The following SDK1 variants were observed in gnomAD, a reference collection of about 807,000 sequenced individuals.
The protein encoded by SDK1 is sidekick cell adhesion molecule 1.
SDK1 carries 157 observed loss-of-function variants against 245.5 expected under a neutral mutation model. The observed-to-expected ratio is 0.64, with a 90% confidence interval of 0.56 to 0.73. SDK1 has a LOEUF of 0.73. Ranked by LOEUF, SDK1 falls within the 30% of genes least tolerant of loss-of-function variation. SDK1 has a pLI of 0.00. For synonymous variants in SDK1, 1,647 were observed against 1,278.5 expected (o/e 1.29, Z -6.15); for missense variants, 3,583 against 3,002.3 (o/e 1.19, Z -4.52).
chr7:3,954,684 A>C (rs895888775), intron 7 of SDK1, among the ~76,000 whole-genome samples: 1 of 140,906 alleles, frequency 7.1e-6, no homozygotes, highest in African/African-American at 2.7e-5. Context: ...CACCCTCTAC[A>C]CTGCACCATT....
In SDK1 at chr7:4,245,732, A is replaced by G. The variant is rs143171868; in HGVS notation, c.6308A>G (p.Asn2103Ser). The G allele has an allele frequency of 5.3e-4, 862 of 1,613,936 alleles. 1 individual carries two copies. The highest frequency in any genetic ancestry group is 6.7e-4 in the Non-Finnish European group (785 of 1,179,972). ...GLHYSDEDIC[N>S]KYNGAVLTES... ...CACTACTCAGACGAGGACATCTGCA[A>G]CAAGTACAACGGCGCCGTGCTGACC... is the stretch of plus-strand genomic sequence containing the variant. Residue 2103 changes from asparagine to serine, a missense_variant, in exon 44 of 45, where the codon AAC becomes AGC. Physicochemically the swap from Asn to Ser is conservative, Grantham distance 46. Coordinates refer to ENST00000404826, the MANE Select transcript of SDK1 (RefSeq NM_152744.4).
intron 1 of SDK1, among the ~76,000 whole-genome samples, chr7:3,500,820 T>C (rs1583958603): frequency 6.6e-6 from 1 of 152,190 alleles, no homozygotes; most frequent in East Asian, 1.9e-4. Flanking sequence ...TCATGTTTTT[T>C]TTCATTTTTT....
At chr7:3,824,036 C>T (rs1486969438) in intron 5 of SDK1, among the ~76,000 whole-genome samples, 1 of 149,466 alleles carries the variant, frequency 6.7e-6, no homozygotes, top group Non-Finnish European at 1.5e-5. Context: ...TCTGCAGAAT[C>T]CCCCAGAATT....
chr7:4,107,124 G>GTGGGGAGGT (rs1782979289), intron 22 of SDK1, among the ~76,000 whole-genome samples: 1 of 135,530 alleles, frequency 7.4e-6, no homozygotes, highest in Admixed American at 7.2e-5. Flanking sequence ...GGTGGGGAGG[G>GTGGGGAGGT]TGGGGAGGGT....
At chr7:3,506,051 C>A (rs147334596) in intron 1 of SDK1, among the ~76,000 whole-genome samples, 1 of 152,006 alleles carries the variant, frequency 6.6e-6, no homozygotes, top group South Asian at 2.1e-4. Context: ...TTTGTAGACA[C>A]CCACATTTAC....
Position 3,358,131 on chromosome 7 carries a change from C to T in SDK1, c.298+56247C>T, listed in dbSNP as rs974850422. ...CTGCCTCCTGGATTCCAGCGATTCTCCTGCGTCAGCTTCCTGAGTAGCTCA... is the reference window on the plus strand; with the variant it reads ...CTGCCTCCTGGATTCCAGCGATTCTTCTGCGTCAGCTTCCTGAGTAGCTCA... On this transcript the variant is annotated intron_variant, in intron 1 of 44. Coordinates refer to ENST00000404826, the MANE Select transcript of SDK1 (RefSeq NM_152744.4). Among the ~76,000 whole-genome samples the T allele has an allele frequency of 2.0e-5, 3 of 152,130 alleles. No homozygotes were observed. In the East Asian group the frequency reaches 5.8e-4, roughly 29 times the overall value.
chr7:3,485,682 G>GT (rs1562515905), intron 1 of SDK1, among the ~76,000 whole-genome samples: 2 of 30,970 alleles, frequency 6.5e-5, no homozygotes, highest in African/African-American at 2.9e-4. Flanking sequence ...ATCTTTGGAG[G>GT]GTTTTTTTTT....
At position 4,086,539 on chromosome 7, in the gene SDK1, C is replaced by T. The variant is rs546903151; in HGVS notation, c.3324+6955C>T. Among the ~76,000 whole-genome samples the T allele has an allele frequency of 3.9e-5, 6 of 152,260 alleles. No individual in the cohort carries two copies. The East Asian group carries it at 7.7e-4, about 20-fold the overall frequency. ...CATTCCCAGCTCCTGGAGGTCACCA[C>T]GGTCTGTGGCTCGGGATCCCCTTCC... On this transcript the variant is annotated intron_variant, in intron 22 of 44. Transcript: ENST00000404826.
At chr7:3,897,479 A>T (rs1781642125) in intron 5 of SDK1, among the ~76,000 whole-genome samples, 1 of 152,174 alleles carries the variant, frequency 6.6e-6, no homozygotes, top group Non-Finnish European at 1.5e-5. Context: ...TGTGTGACTT[A>T]TCTCAGCATA....
At chr7:4,008,141 A>G (rs1472926409) in intron 14 of SDK1, among the ~76,000 whole-genome samples, 1 of 152,170 alleles carries the variant, frequency 6.6e-6, no homozygotes, top group East Asian at 1.9e-4. Context: ...GGAATCATAC[A>G]GTATTTGTCT....
At chr7:3,316,345 G>A (rs1006084916) in intron 1 of SDK1, among the ~76,000 whole-genome samples, 2 of 152,068 alleles carry the variant, frequency 1.3e-5, no homozygotes, top group Non-Finnish European at 2.9e-5. Flanking sequence ...CCTGTGTTCA[G>A]TACAGTAACA....
chr7:3,654,864 G>T (rs1419766762), intron 4 of SDK1, among the ~76,000 whole-genome samples: 2 of 152,096 alleles, frequency 1.3e-5, no homozygotes, highest in Non-Finnish European at 2.9e-5. Flanking sequence ...AGCATATCTT[G>T]TGACAATAAT....
At chr7:3,779,776 C>T (rs1051528907) in intron 4 of SDK1, among the ~76,000 whole-genome samples, 2 of 151,188 alleles carry the variant, frequency 1.3e-5, no homozygotes, top group African/African-American at 2.4e-5. Flanking sequence ...ACTGGAAATA[C>T]AAAAAATTAG....
intron 5 of SDK1, among the ~76,000 whole-genome samples, chr7:3,919,244 T>C (rs1293253364): frequency 6.6e-6 from 1 of 152,244 alleles, no homozygotes; most frequent in Non-Finnish European, 1.5e-5. Flanking sequence ...AATGAGGGTA[T>C]GTCAGTGTGC....
intron 5 of SDK1, among the ~76,000 whole-genome samples, chr7:3,934,434 A>C (rs1229728709): frequency 6.6e-6 from 1 of 152,194 alleles, no homozygotes; most frequent in Non-Finnish European, 1.5e-5. Flanking sequence ...AGAACATCTG[A>C]TTATCAGCGG....
chr7:3,556,678 C>A (rs1414594374), intron 1 of SDK1, among the ~76,000 whole-genome samples: 1 of 151,960 alleles, frequency 6.6e-6, no homozygotes, highest in African/African-American at 2.4e-5. Context: ...AAAATTAAGC[C>A]AGGTGTGGTG....
intron 4 of SDK1, among the ~76,000 whole-genome samples, chr7:3,761,553 CAAAA>C (rs1307806673): frequency 1.0e-4 from 10 of 99,372 alleles, no homozygotes; most frequent in Admixed American, 5.9e-4. Context: ...GACTCCATCT[CAAAA>C]AAAAAAAAAA....
chr7:3,388,346 TAA>T (rs146427636), intron 1 of SDK1, among the ~76,000 whole-genome samples: 2 of 148,692 alleles, frequency 1.3e-5, no homozygotes, highest in Non-Finnish European at 3.0e-5. Context: ...GATTGAAGAT[TAA>T]AAAAAAAATC....
At chr7:3,850,499 A>G (rs1780391678) in intron 5 of SDK1, among the ~76,000 whole-genome samples, 1 of 152,142 alleles carries the variant, frequency 6.6e-6, no homozygotes, top group Non-Finnish European at 1.5e-5. Context: ...TAGCTATCCC[A>G]TTACTGGGTA....
Sources: allele counts gnomAD v4.1 joint callset (sites outside exome capture counted in the v4.1 genomes callset), GRCh38; gene constraint gnomAD v4.1.1; transcripts MANE v1.5; gene names NCBI Gene and HGNC (gene_info 2026-07-23, HGNC 2026-07-21).